The following RBM33 variants were observed in gnomAD, a reference collection of about 807,000 sequenced individuals.
The protein encoded by RBM33 is RNA binding motif protein 33, also known as RNA-binding protein 33.
RBM33 carries 28 observed loss-of-function variants against 132.6 expected under a neutral mutation model. That is an observed-to-expected ratio of 0.21 (90% CI 0.16 to 0.29). The LOEUF is 0.29. RBM33 is among the 10% of genes least tolerant of loss of function. The pLI is 1.00. For synonymous variants in RBM33, 634 were observed against 593.0 expected, an observed-to-expected ratio of 1.07 and a Z score of -1.01; for missense variants, 1,291 against 1,518.5, an observed-to-expected ratio of 0.85 and a Z score of 2.49.
intron 5 of RBM33, among the ~76,000 whole-genome samples, chr7:155,687,640 A>G (rs1799518057): frequency 1.3e-5 from 2 of 152,090 alleles, no homozygotes; most frequent in South Asian, 4.1e-4. Context: ...ATCCATCTTG[A>G]ATTAATTTTC....
At chr7:155,656,656 G>A (rs1174683517) in intron 1 of RBM33, among the ~76,000 whole-genome samples, 1 of 152,086 alleles carries the variant, frequency 6.6e-6, no homozygotes, top group African/African-American at 2.4e-5. Flanking sequence ...GAAGAATTCA[G>A]CTGTTTTCTA....
intron 12 of RBM33, among the ~76,000 whole-genome samples, chr7:155,741,451 G>A (rs943184944): frequency 2.0e-5 from 3 of 152,150 alleles, no homozygotes; most frequent in African/African-American, 7.2e-5. Flanking sequence ...TGTGAATCCC[G>A]TTGATCTCTG....
chr7:155,673,951 T>G (rs1256095566), intron 3 of RBM33, among the ~76,000 whole-genome samples: 6,626 of 108,496 alleles, frequency 0.061, 1,436 homozygotes, highest in South Asian at 0.094. Context: ...TTTTTTTTTT[T>G]TTTTTTTTTT....
rs570997158 is a variant in RBM33 at position 155,652,514 on chromosome 7, A to G, written c.43+7595A>G. ...TAATAGTCTATGTGGTATCTTATCC[A>G]AGTCGAGGATTCTGGAAAAGAAGAA... On this transcript the variant is annotated intron_variant, in intron 1 of 17. Transcript: ENST00000401878. 6.3e-4 allele frequency among the ~76,000 whole-genome samples: 96 copies of G among 152,358 alleles called. No homozygotes were observed. The South Asian group carries it at 0.02, about 31-fold the overall frequency.
intron 16 of RBM33, among the ~76,000 whole-genome samples, chr7:155,773,679 A>G (rs923031783): frequency 3.3e-5 from 5 of 151,334 alleles, no homozygotes; most frequent in Non-Finnish European, 7.4e-5. Context: ...ACCAGACTCT[A>G]GAGCTTTGAG....
At chr7:155,679,120 C>T (rs760012590) in intron 4 of RBM33, among the ~76,000 whole-genome samples, 9 of 151,946 alleles carry the variant, frequency 5.9e-5, no homozygotes, top group Non-Finnish European at 1.3e-4. Flanking sequence ...TGCAGTGAGC[C>T]GAGATTGTGC....
intron 3 of RBM33, among the ~76,000 whole-genome samples, chr7:155,673,950 T>TTTTG (rs1563138388): frequency 0.068 from 2,636 of 38,590 alleles, 144 homozygotes; most frequent in Non-Finnish European, 0.11. Context: ...GTTTTTTTTT[T>TTTTG]TTTTTTTTTT....
At chr7:155,763,072 C>G (rs889018529) in intron 14 of RBM33, among the ~76,000 whole-genome samples, 1 of 152,212 alleles carries the variant, frequency 6.6e-6, no homozygotes, top group Admixed American at 6.5e-5. Flanking sequence ...TACGTGCCTC[C>G]TGATCGATGA....
At chr7:155,731,648 C>T (rs1235294844) in intron 9 of RBM33, among the ~76,000 whole-genome samples, 1 of 151,916 alleles carries the variant, frequency 6.6e-6, no homozygotes, top group African/African-American at 2.4e-5. Context: ...TTTCATCATG[C>T]TACTCAGAAA....
intron 8 of RBM33, among the ~76,000 whole-genome samples, chr7:155,715,380 T>G (rs913956479): frequency 5.3e-5 from 8 of 152,196 alleles, no homozygotes; most frequent in Non-Finnish European, 1.0e-4. Flanking sequence ...ACGTACAGAT[T>G]TTCTTTAGCT....
At chr7:155,759,596 T>C (rs1185380217) in intron 14 of RBM33, among the ~76,000 whole-genome samples, 1 of 151,892 alleles carries the variant, frequency 6.6e-6, no homozygotes, top group South Asian at 2.1e-4. Flanking sequence ...TTTTTTTGTA[T>C]TTTTAGTAGA....
At chr7:155,685,610 C>T (rs191649897) in intron 5 of RBM33, among the ~76,000 whole-genome samples, 94 of 152,182 alleles carry the variant, frequency 6.2e-4, no homozygotes, top group Admixed American at 1.0e-3. Flanking sequence ...TCGTGGTCGA[C>T]GAGGCTTTAT....
At chr7:155,668,978 G>A (rs959722411) in intron 2 of RBM33, among the ~76,000 whole-genome samples, 5 of 152,076 alleles carry the variant, frequency 3.3e-5, no homozygotes, top group Non-Finnish European at 5.9e-5. Flanking sequence ...GGTGTGAGAC[G>A]GTTCTAGGTT....
intron 2 of RBM33, among the ~76,000 whole-genome samples, chr7:155,668,946 T>C (rs1026501578): frequency 4.6e-5 from 7 of 152,254 alleles, no homozygotes; most frequent in Admixed American, 4.6e-4. Context: ...CTTTCTGCTA[T>C]GATGGAACTT....
chr7:155,737,167 G>T (rs894712930), intron 9 of RBM33, among the ~76,000 whole-genome samples: 14 of 152,214 alleles, frequency 9.2e-5, no homozygotes, highest in Admixed American at 2.6e-4. Context: ...GTAACATGCT[G>T]CGCTGGTATG....
intron 5 of RBM33, among the ~76,000 whole-genome samples, chr7:155,698,088 G>T (rs914223811): frequency 2.6e-5 from 4 of 152,160 alleles, no homozygotes; most frequent in South Asian, 2.1e-4. Context: ...TATACAGAAG[G>T]CCAGGCGTGG....
At chr7:155,740,121 A>G in intron 12 of RBM33, 95 bp downstream of exon 12, 1 of 1,411,436 alleles carries the variant, frequency 7.1e-7, no homozygotes, top group African/African-American at 1.4e-5. Context: ...AATATTTTCC[A>G]GTTCTGATTT....
At chr7:155,708,465 C>G (rs982816859) in intron 7 of RBM33, among the ~76,000 whole-genome samples, 1 of 152,188 alleles carries the variant, frequency 6.6e-6, no homozygotes, top group African/African-American at 2.4e-5. Flanking sequence ...GTAATTGTGT[C>G]TCTGATCCTG....
At chr7:155,702,507 T>C (rs1171396189) in intron 6 of RBM33, among the ~76,000 whole-genome samples, 4 of 152,228 alleles carry the variant, frequency 2.6e-5, no homozygotes, top group African/African-American at 4.8e-5. Context: ...AGTCTGGCAT[T>C]GGCCTTAGGT....
Sources: allele counts gnomAD v4.1 joint callset (sites outside exome capture counted in the v4.1 genomes callset), GRCh38; gene constraint gnomAD v4.1.1; transcripts MANE v1.5; gene names NCBI Gene and HGNC (gene_info 2026-07-23, HGNC 2026-07-21).